The following TCEA3 variants were observed in gnomAD, a reference collection of about 807,000 sequenced individuals.
TCEA3 encodes the protein transcription elongation factor A3.
A neutral mutation model predicts 44.0 loss-of-function variants in TCEA3; 36 were observed. That is an observed-to-expected ratio of 0.82 (90% CI 0.63 to 1.08). The LOEUF (loss-of-function observed/expected upper bound fraction) is 1.08, where lower values mean the gene tolerates loss of function less well. TCEA3 is among the 50% of genes least tolerant of loss of function. The pLI, the probability that TCEA3 is intolerant of heterozygous loss-of-function variation, is 0.00. For missense variants in TCEA3, 392 were observed against 441.2 expected, an observed-to-expected ratio of 0.89 and a Z score of 1.00; for synonymous variants, 162 against 159.7, an observed-to-expected ratio of 1.01 and a Z score of -0.11.
chr1:23,397,631 A>T (rs769439214), intron 6 of TCEA3, 30 bp from the exon 7 acceptor site: 1 of 1,611,756 alleles, frequency 6.2e-7, no homozygotes, highest in Non-Finnish European at 8.5e-7. Flanking sequence ...TACAGGTATC[A>T]GCCAGACACA....
At chr1:23,410,962 T>A (rs1034714856) in intron 4 of TCEA3, 2 of 186,482 alleles carry the variant, frequency 1.1e-5, no homozygotes, top group East Asian at 2.8e-4. Context: ...TAGGACCTTA[T>A]CATGAGACAG....
chr1:23,381,929 A>G (rs2148539054), intron 10 of TCEA3, among the ~76,000 whole-genome samples: 1 of 152,382 alleles, frequency 6.6e-6, no homozygotes, highest in African/African-American at 2.4e-5. Flanking sequence ...TTTCTCTAAC[A>G]GTAACAAAAT....
At chr1:23,421,503 G>A (rs1184556173) in intron 1 of TCEA3, among the ~76,000 whole-genome samples, 2 of 148,700 alleles carry the variant, frequency 1.3e-5, no homozygotes, top group African/African-American at 2.5e-5. Flanking sequence ...AGTTCTCAAG[G>A]AAAAAAAAAA....
chr1:23,387,545 G>A lies in TCEA3; in HGVS notation c.820-126C>T, dbSNP rs1570226700. On this transcript the variant is annotated intron_variant, in intron 8 of 10. Coordinates refer to ENST00000450454, the MANE Select transcript of TCEA3 (RefSeq NM_003196.3). ...TTTATTGACTGCAAGGAGCTGGAAGGAGGCCTGGATTCCGGGTCCTGCCCC... is the reference window on the plus strand; with the variant it reads ...TTTATTGACTGCAAGGAGCTGGAAGAAGGCCTGGATTCCGGGTCCTGCCCC... 4 of 1,194,886 alleles carry A rather than the reference G, an allele frequency of 3.3e-6. No individual in the cohort carries two copies. In the East Asian group the frequency reaches 1.0e-4, roughly 31 times the overall value. 74.0% of individuals were successfully genotyped at this position (1,194,886 alleles called of 1,614,324 possible).
chr1:23,385,077 A>G (rs1324984719), intron 9 of TCEA3, among the ~76,000 whole-genome samples: 1 of 152,120 alleles, frequency 6.6e-6, no homozygotes, highest in Non-Finnish European at 1.5e-5. Context: ...GGACTATTTA[A>G]TGTTACATTT....
chr1:23,400,746 G>A (rs969572435), intron 5 of TCEA3, among the ~76,000 whole-genome samples: 11 of 152,100 alleles, frequency 7.2e-5, no homozygotes, highest in African/African-American at 1.9e-4. Context: ...AGACCCACTC[G>A]AGGGTCTTAC....
intron 5 of TCEA3, among the ~76,000 whole-genome samples, chr1:23,408,376 C>T (rs1198072846): frequency 1.3e-5 from 2 of 152,200 alleles, no homozygotes; most frequent in African/African-American, 2.4e-5. Flanking sequence ...GAAGGAGCCA[C>T]ACCCCTGATT....
intron 7 of TCEA3, among the ~76,000 whole-genome samples, chr1:23,394,329 G>A (rs61777153): frequency 0.11 from 16,509 of 152,116 alleles, 1,073 homozygotes; most frequent in Non-Finnish European, 0.15. Context: ...GTGACCTCAG[G>A]TGAGTCACAC....
At chr1:23,384,530 A>T in intron 9 of TCEA3, 113 bp from the exon 10 acceptor site, 1 of 1,075,686 alleles carries the variant, frequency 9.3e-7, no homozygotes, top group Non-Finnish European at 1.3e-6. Flanking sequence ...TGAGATTCCC[A>T]CCCCCCGCTG....
At position 23,412,881 on chromosome 1, in the gene TCEA3, T is replaced by C. The variant is rs543476158; in HGVS notation, c.381-4155A>G. ...CACTAATGTGGTTACAGTGTTTGTA[T>C]AATGAATTATCATTAAGAAAACTAA... On this transcript the variant is annotated intron_variant, in intron 4 of 10. Coordinates refer to ENST00000450454, the MANE Select transcript of TCEA3 (RefSeq NM_003196.3). 5.3e-5 allele frequency among the ~76,000 whole-genome samples: 8 copies of C among 152,338 alleles called. No homozygotes were observed. In the East Asian group the frequency reaches 1.5e-3, roughly 29 times the overall value.
chr1:23,408,561 TC>T lies in TCEA3; in HGVS notation c.443+102del. On this transcript the variant is annotated intron_variant, in intron 5 of 10. Transcript: ENST00000450454. ...GGGCAACATAATGTAGGAGGTTTCT[TC>T]CTTCCCTCCTTTCCTCTGCCTTGGG... The T allele has an allele frequency of 6.6e-6, 8 of 1,205,244 alleles. No individual in the cohort carries two copies. The South Asian group carries it at 1.0e-4, about 15-fold the overall frequency. The allele number at this position is 1,205,244 out of a possible 1,614,324, so 74.7% of individuals were successfully genotyped here. A position where few individuals can be genotyped will look rare whatever the true frequency, so the allele number is the denominator to read the frequency against.
chr1:23,402,741 A>C (rs1639435068), intron 5 of TCEA3, among the ~76,000 whole-genome samples: 1 of 152,208 alleles, frequency 6.6e-6, no homozygotes, highest in Non-Finnish European at 1.5e-5. Flanking sequence ...TCCAGATTAC[A>C]GGCTCCAGAG....
chr1:23,420,997 C>A (rs1231257009), intron 1 of TCEA3, among the ~76,000 whole-genome samples: 4 of 152,186 alleles, frequency 2.6e-5, no homozygotes, highest in African/African-American at 9.7e-5. Flanking sequence ...AATCCCCACC[C>A]TGGCAGGACC....
At chr1:23,386,335 C>T (rs914792469) in intron 9 of TCEA3, among the ~76,000 whole-genome samples, 3 of 151,848 alleles carry the variant, frequency 2.0e-5, no homozygotes, top group Non-Finnish European at 4.4e-5. Context: ...GATTCTCCTG[C>T]CTCATCGCCA....
chr1:23,393,838 A>G, intron 8 of TCEA3, 41 bp downstream of exon 8: 1 of 1,602,732 alleles, frequency 6.2e-7, no homozygotes, highest in Non-Finnish European at 8.5e-7. Context: ...GGCTAGGGGG[A>G]CCTGGCTTCC....
chr1:23,392,018 C>T (rs910730627), intron 8 of TCEA3, among the ~76,000 whole-genome samples: 6 of 152,142 alleles, frequency 3.9e-5, no homozygotes, highest in Non-Finnish European at 5.9e-5. Context: ...TCTGAACTGA[C>T]GAAAGACACA....
At chr1:23,417,764 A>G (rs1169994669) in intron 3 of TCEA3, 140 bp downstream of exon 3, 6 of 766,060 alleles carry the variant, frequency 7.8e-6, no homozygotes, top group Non-Finnish European at 1.3e-5. Context: ...CCCACTAGCT[A>G]CCTCCCGGAT....
At chr1:23,397,737 G>A (rs376346262) in intron 6 of TCEA3, 55 bp downstream of exon 6, 7 of 1,612,396 alleles carry the variant, frequency 4.3e-6, no homozygotes, top group Non-Finnish European at 4.2e-6. Flanking sequence ...TGCCCTCAGT[G>A]AGATTGGGAA....
intron 1 of TCEA3, 67 bp from the exon 2 acceptor site, chr1:23,419,206 G>A: frequency 7.8e-7 from 1 of 1,286,856 alleles, no homozygotes; most frequent in Non-Finnish European, 1.1e-6. Context: ...CTATTGTGTG[G>A]TCTTGGTACA....
Sources: allele counts gnomAD v4.1 joint callset (sites outside exome capture counted in the v4.1 genomes callset), GRCh38; gene constraint gnomAD v4.1.1; transcripts MANE v1.5; gene names NCBI Gene and HGNC (gene_info 2026-07-23, HGNC 2026-07-21).